CTNNA2: variants seen among roughly 807,000 people sequenced by gnomAD.
CTNNA2 encodes the protein catenin alpha 2.
In CTNNA2, 42 loss-of-function variants were observed where a neutral mutation model predicts 101.0. The ratio of observed to expected loss-of-function variants is 0.42; its 90% CI spans 0.32 to 0.54. The LOEUF is 0.54. Among genes scored for constraint, CTNNA2 ranks in the 20% least tolerant of loss-of-function variants. CTNNA2 has a pLI of 0.14. For missense variants in CTNNA2, 871 were observed against 1,223.1 expected (o/e 0.71, Z 4.29); for synonymous variants, 450 against 456.4 (o/e 0.99, Z 0.18).
chr2:79,293,110 A>G (rs991801905), intron 2 of CTNNA2: 1 of 152,236 alleles, frequency 6.6e-6, no homozygotes, highest in African/African-American at 2.4e-5. Flanking sequence ...TTCCCTCACT[A>G]GTCAAAATCT....
At chr2:79,431,969 A>C (rs1217473259) in intron 4 of CTNNA2, among the ~76,000 whole-genome samples, 1 of 152,232 alleles carries the variant, frequency 6.6e-6, no homozygotes, top group African/African-American at 2.4e-5. Flanking sequence ...GGCACATAGA[A>C]GTCACTGGTT....
At chr2:79,698,561 G>A (rs1244805895) in intron 2 of CTNNA2, among the ~76,000 whole-genome samples, 3 of 152,066 alleles carry the variant, frequency 2.0e-5, no homozygotes, top group African/African-American at 4.8e-5. Context: ...CTATTACAAT[G>A]GTTAAACTAA....
chr2:79,972,998 T>C (rs1690592692), intron 7 of CTNNA2, among the ~76,000 whole-genome samples: 1 of 152,166 alleles, frequency 6.6e-6, no homozygotes, highest in African/African-American at 2.4e-5. Context: ...TAAAATTATT[T>C]GGGAAACTTT....
At chr2:80,333,695 G>A (rs531034665) in intron 7 of CTNNA2, among the ~76,000 whole-genome samples, 48 of 152,148 alleles carry the variant, frequency 3.2e-4, no homozygotes, top group African/African-American at 1.1e-3. Flanking sequence ...GCGTGATCCC[G>A]GCTCCCTGCA....
chr2:80,634,127 T>G (rs1672597606), intron 18 of CTNNA2, among the ~76,000 whole-genome samples: 1 of 152,000 alleles, frequency 6.6e-6, no homozygotes, highest in Non-Finnish European at 1.5e-5. Flanking sequence ...GGCAAATATT[T>G]ATGGAGGACT....
intron 3 of CTNNA2, among the ~76,000 whole-genome samples, chr2:79,340,833 C>CAAAAA (rs56276462): frequency 0.012 from 354 of 30,772 alleles, 5 homozygotes; most frequent in African/African-American, 0.02. Flanking sequence ...GACTCAGTCT[C>CAAAAA]AAAAAAAAAA....
intron 7 of CTNNA2, among the ~76,000 whole-genome samples, chr2:80,372,089 T>A (rs1013388563): frequency 6.6e-6 from 1 of 152,058 alleles, no homozygotes; most frequent in Non-Finnish European, 1.5e-5. Context: ...TATAAGAAAT[T>A]TTGAAGGAAT....
intron 3 of CTNNA2, among the ~76,000 whole-genome samples, chr2:79,760,287 A>ATGTGTG (rs72350498): frequency 6.0e-5 from 9 of 149,638 alleles, no homozygotes; most frequent in African/African-American, 2.0e-4. Flanking sequence ...TACATATAAA[A>ATGTGTG]TGTGTGTGTG....
chr2:80,218,712 C>A (rs1304615230), intron 7 of CTNNA2, among the ~76,000 whole-genome samples: 1 of 152,194 alleles, frequency 6.6e-6, no homozygotes, highest in African/African-American at 2.4e-5. Context: ...AGCCCAGTGC[C>A]TGCTACTTAG....
chr2:79,906,157 C>T (rs1484322681), intron 6 of CTNNA2, among the ~76,000 whole-genome samples: 2 of 152,134 alleles, frequency 1.3e-5, no homozygotes, highest in Non-Finnish European at 2.9e-5. Flanking sequence ...CATGCATCCA[C>T]TCCACCCATG....
chr2:79,333,962 T>A (rs188759225), intron 3 of CTNNA2, among the ~76,000 whole-genome samples: 251 of 152,250 alleles, frequency 1.6e-3, no homozygotes, highest in Non-Finnish European at 3.1e-3. Context: ...AATTGACACA[T>A]AATAATTACA....
intron 3 of CTNNA2, among the ~76,000 whole-genome samples, chr2:79,847,168 C>CTATAGAAGA (rs1487347744): frequency 7.2e-5 from 11 of 152,074 alleles, no homozygotes; most frequent in Non-Finnish European, 1.6e-4. Flanking sequence ...AAGATCTACC[C>CTATAGAAGA]TATAGAAGAG....
intron 4 of CTNNA2, among the ~76,000 whole-genome samples, chr2:79,419,729 C>T (rs949990369): frequency 6.6e-6 from 1 of 152,052 alleles, no homozygotes; most frequent in African/African-American, 2.4e-5. Flanking sequence ...CATATAACTT[C>T]GTAGTGTGAG....
At chr2:80,269,975 T>C (rs1215279528) in intron 7 of CTNNA2, among the ~76,000 whole-genome samples, 3 of 152,180 alleles carry the variant, frequency 2.0e-5, no homozygotes, top group Non-Finnish European at 2.9e-5. Flanking sequence ...GAGTCTCACC[T>C]AATAAACCAG....
chr2:79,420,531 G>C (rs2104501353), intron 4 of CTNNA2, among the ~76,000 whole-genome samples: 1 of 152,282 alleles, frequency 6.6e-6, no homozygotes, highest in African/African-American at 2.4e-5. Context: ...TAACAAACCA[G>C]TAGAGGATAG....
Position 79,256,986 on chromosome 2 carries a change from C to A in CTNNA2, c.-405-55723C>A, listed in dbSNP as rs149692200. Among the ~76,000 whole-genome samples, 231 of 152,088 alleles carry A rather than the reference C, an allele frequency of 1.5e-3. 2 individuals are homozygous for A. Among genetic ancestry groups the A allele is most frequent in the African/African-American group, 5.2e-3 (214 of 41,490 alleles). ...AGCACACAAACTACAAAAAGATAAA[C>A]GTATTTACTCATGGAATAAGGTGAG... On this transcript the variant is annotated intron_variant, in intron 2 of 21. Transcript: ENST00000466387.
At chr2:79,993,888 T>C (rs1692355856) in intron 7 of CTNNA2, among the ~76,000 whole-genome samples, 1 of 152,010 alleles carries the variant, frequency 6.6e-6, no homozygotes, top group Admixed American at 6.6e-5. Flanking sequence ...TTTGTTTTGT[T>C]TTGTTTTTTG....
rs140046423 is a variant in CTNNA2, at chr2:79,231,692, A to G, written c.-406+33616A>G. Among the ~76,000 whole-genome samples, 828 of 152,294 alleles carry G rather than the reference A, an allele frequency of 5.4e-3. 3 individuals carry two copies. The highest frequency in any genetic ancestry group is 8.1e-3 in the Non-Finnish European group (549 of 68,014). On this transcript the variant is annotated intron_variant, in intron 2 of 21. Coordinates refer to the CTNNA2 transcript ENST00000466387. ...CTATTAATACTTCCAATCCATGAGC[A>G]TGGAATATTTTTCCATTTATTTATG... is the stretch of plus-strand genomic sequence containing the variant.
chr2:80,421,338 A>G (rs1559095842), intron 9 of CTNNA2, among the ~76,000 whole-genome samples: 2 of 152,188 alleles, frequency 1.3e-5, no homozygotes, highest in African/African-American at 4.8e-5. Flanking sequence ...AGAATGGGAC[A>G]TGGATTTCAA....
Sources: gnomAD v4.1 joint callset for allele counts (sites outside exome capture counted in the v4.1 genomes callset) on GRCh38, gnomAD v4.1.1 for gene constraint, MANE v1.5 for transcripts, NCBI Gene and HGNC (gene_info 2026-07-23, HGNC 2026-07-21) for gene names.